Variants in GAPVD1 observed in about 807,000 individuals in gnomAD.
The protein encoded by GAPVD1 is GTPase-activating protein and VPS9 domain-containing protein 1.
In GAPVD1, 35 loss-of-function variants were observed where a neutral mutation model predicts 155.5. The observed-to-expected ratio is 0.23, with a 90% CI of 0.17 to 0.30. The LOEUF is 0.30. Among genes scored for constraint, GAPVD1 ranks in the 10% least tolerant of loss-of-function variants. The pLI, the probability that GAPVD1 is intolerant of heterozygous loss-of-function variation, is 1.00. For missense variants in GAPVD1, 1,429 were observed against 1,775.7 expected, an observed-to-expected ratio of 0.80 and a Z score of 3.51; for synonymous variants, 636 against 619.7, an observed-to-expected ratio of 1.03 and a Z score of -0.39.
rs139617108 is a variant in GAPVD1, at chr9:125,354,721, C to T, written c.3637C>T (p.Leu1213=). The part of the protein sequence containing the change: ...RQGLQTTQAH[L]ERLLQRVLRD... ...AGGACTACAGACCACACAGGCTCACCTGGAAAGGCTATTGCAAAGAGTTTT... is the reference window on the plus strand; with the variant it reads ...AGGACTACAGACCACACAGGCTCACTTGGAAAGGCTATTGCAAAGAGTTTT... Residue 1213 remains leucine (L), a synonymous_variant, in exon 24 of 28, where the codon CTG becomes TTG. Transcript: ENST00000297933. The T allele has an allele frequency of 1.3e-5, 21 of 1,613,480 alleles. No homozygotes were observed. The African/African-American group carries it at 2.5e-4, about 19-fold the overall frequency.
intron 5 of GAPVD1, chr9:125,304,126 T>G (rs964502337): frequency 6.6e-6 from 1 of 152,226 alleles, no homozygotes; most frequent in Non-Finnish European, 1.5e-5. Context: ...GGTGCCATCT[T>G]AGCTCTCTGT....
intron 11 of GAPVD1, among the ~76,000 whole-genome samples, chr9:125,325,303 A>G (rs1844963063): frequency 6.6e-6 from 1 of 151,812 alleles, no homozygotes; most frequent in Admixed American, 6.6e-5. Flanking sequence ...CAGGCGGATC[A>G]TGAGGTCAGG....
intron 25 of GAPVD1, among the ~76,000 whole-genome samples, chr9:125,357,125 CCT>C (rs1400484324): frequency 8.5e-5 from 13 of 152,148 alleles, no homozygotes; most frequent in Non-Finnish European, 1.9e-4. Context: ...TGGCCTCTCC[CCT>C]GTTCTTAATC....
At chr9:125,335,376 C>CT (rs956190248) in intron 15 of GAPVD1, 9,585 of 395,014 alleles carry the variant, frequency 0.024, no homozygotes, top group Middle Eastern at 0.035. Flanking sequence ...AAAATTTTTT[C>CT]TTTTTTTTTT....
chr9:125,274,312 T>C (rs359597), intron 2 of GAPVD1, among the ~76,000 whole-genome samples: 78,810 of 151,666 alleles, frequency 0.52, 20,714 homozygotes, highest in African/African-American at 0.61. Flanking sequence ...GCCACTATCC[T>C]GGGCCTGTTC....
intron 1 of GAPVD1, chr9:125,263,509 T>C: frequency 1.3e-6 from 1 of 766,792 alleles, no homozygotes; most frequent in Non-Finnish European, 2.2e-6. Context: ...GATTTATAAG[T>C]CTACTTAGAA....
chr9:125,302,097 G>A lies in GAPVD1; in HGVS notation c.300G>A (p.Leu100=), dbSNP rs111302408. The part of the protein sequence containing the change: ...GFQETAYGEF[L]SRLRENPRLI... ...AGGAGACTGCTTATGGAGAATTCTT[G>A]AGTCGATTGAGGGAAAATCCTCGTC... The change falls in exon 5 of 28, where the codon TTG becomes TTA. Residue 100 remains leucine, a synonymous_variant. Coordinates refer to ENST00000297933, the MANE Select transcript of GAPVD1 (RefSeq NM_001282680.3). The A allele has an allele frequency of 6.2e-5, 100 of 1,613,578 alleles. No individual in the cohort carries two copies. The African/African-American group carries it at 9.2e-4, about 15-fold the overall frequency.
chr9:125,359,471 C>A lies in GAPVD1; in HGVS notation c.4023C>A (p.His1341Gln). The change falls in exon 26 of 28, where the codon CAC becomes CAA. Residue 1341 changes from histidine to glutamine, a missense_variant. Transcript: ENST00000297933. ...TGTCTAAAGTAGTGACTGCAAATCA[C>A]AGAGCTCTTCAGATACCAGAGGTAA... ...QRLSKVVTAN[H>Q]RALQIPEVYL... 1 of 1,567,518 alleles carries A rather than the reference C, an allele frequency of 6.4e-7. No individual in the cohort carries two copies. The highest frequency in any genetic ancestry group is 8.8e-7 in the Non-Finnish European group (1 of 1,138,034).
intron 1 of GAPVD1, among the ~76,000 whole-genome samples, chr9:125,266,669 A>G (rs953346245): frequency 2.6e-5 from 4 of 152,112 alleles, no homozygotes; most frequent in Non-Finnish European, 5.9e-5. Context: ...ACTAGACACT[A>G]CTGTGACAAC....
chr9:125,304,980 A>G (rs537838221), intron 5 of GAPVD1, 83 bp from the exon 6 acceptor site: 11 of 883,558 alleles, frequency 1.2e-5, no homozygotes, highest in South Asian at 1.4e-5. Flanking sequence ...TTAGAACAGA[A>G]TAGACGTGCT....
At chr9:125,292,473 A>G (rs1588691942) in intron 2 of GAPVD1, among the ~76,000 whole-genome samples, 1 of 151,428 alleles carries the variant, frequency 6.6e-6, no homozygotes, top group Non-Finnish European at 1.5e-5. Flanking sequence ...GCTCACTGCA[A>G]CCTCTGCCTC....
chr9:125,271,548 T>TTTTTTTA (rs540097987), intron 2 of GAPVD1, among the ~76,000 whole-genome samples: 2 of 152,026 alleles, frequency 1.3e-5, no homozygotes, highest in African/African-American at 4.8e-5. Flanking sequence ...GATTAACTTA[T>TTTTTTTA]TTTTTTATTT....
intron 2 of GAPVD1, among the ~76,000 whole-genome samples, chr9:125,272,698 T>C (rs186271657): frequency 1.3e-5 from 2 of 152,340 alleles, no homozygotes; most frequent in East Asian, 3.9e-4. Flanking sequence ...TATTGTTGAC[T>C]AGGAGGTTTC....
At chr9:125,339,955 A>G (rs1847601454) in intron 17 of GAPVD1, among the ~76,000 whole-genome samples, 1 of 152,166 alleles carries the variant, frequency 6.6e-6, no homozygotes. Context: ...AAATTAAGTG[A>G]TTTGTCCATG....
At position 125,350,353 on chromosome 9, in the gene GAPVD1, G is replaced by A. The variant is rs1368429120; in HGVS notation, c.3358G>A (p.Val1120Met). The A allele has an allele frequency of 2.5e-6, 4 of 1,608,474 alleles. No individual in the cohort carries two copies. Among genetic ancestry groups the A allele is most frequent in the Middle Eastern group, 1.6e-4 (1 of 6,076 alleles). Reference sequence around the variant, plus strand: ...CTCTGCGGACTCTGTTGCCTTCCCAGTGCTGACCCATTCAACAAGGAATGG... The same window carrying A: ...CTCTGCGGACTCTGTTGCCTTCCCAATGCTGACCCATTCAACAAGGAATGG... ...LCSADSVAFP[V>M]LTHSTRNGLP... is the part of the protein sequence containing the mutation. The change falls in exon 22 of 28, where the codon GTG (valine) becomes ATG (methionine). Residue 1120 changes from valine (V) to methionine (M), a missense_variant. Val to Met is a conservative substitution (Grantham distance 21, BLOSUM62 1). This residue lies in a region of GAPVD1 where 699 missense variants were observed against 826.0 expected (regional missense o/e 0.85). Coordinates refer to ENST00000297933, the MANE Select transcript of GAPVD1 (RefSeq NM_001282680.3).
At chr9:125,307,973 T>TTCCCAAGTACTTAA in intron 8 of GAPVD1, 93 bp downstream of exon 8, 1 of 866,930 alleles carries the variant, frequency 1.2e-6, no homozygotes, top group Admixed American at 2.0e-5. Context: ...TATGTTTAAG[T>TTCCCAAGTACTTAA]ACTTGGGAAA....
intron 25 of GAPVD1, among the ~76,000 whole-genome samples, chr9:125,356,211 C>T (rs917707240): frequency 8.5e-5 from 13 of 152,196 alleles, no homozygotes; most frequent in African/African-American, 3.1e-4. Flanking sequence ...TAGGTTACAT[C>T]CTGTTAGGGC....
At chr9:125,357,381 C>T (rs928840771) in intron 25 of GAPVD1, among the ~76,000 whole-genome samples, 4 of 151,658 alleles carry the variant, frequency 2.6e-5, no homozygotes, top group African/African-American at 9.7e-5. Context: ...GAGTTCGAGA[C>T]CAGCCTGGCC....
chr9:125,266,127 ATT>A (rs67315433), intron 1 of GAPVD1, among the ~76,000 whole-genome samples: 118 of 138,410 alleles, frequency 8.5e-4, no homozygotes, highest in African/African-American at 1.7e-3. Flanking sequence ...GATATCTATA[ATT>A]TTTTTTTTTT....
Sources: allele counts gnomAD v4.1 joint callset (sites outside exome capture counted in the v4.1 genomes callset), GRCh38; gene constraint gnomAD v4.1.1; regional missense constraint gnomAD v4.1.1; transcripts MANE v1.5; gene names NCBI Gene and HGNC (gene_info 2026-07-23, HGNC 2026-07-21).